Variants in SYNPO observed in about 807,000 individuals in gnomAD.
SYNPO encodes synaptopodin.
In SYNPO, 19 loss-of-function variants were observed where a neutral mutation model predicts 49.5. That is an observed-to-expected ratio of 0.38 (90% CI 0.27 to 0.56). The LOEUF is 0.56. Among genes scored for constraint, SYNPO ranks in the 20% least tolerant of loss-of-function variants. SYNPO has a pLI of 0.68. For missense variants in SYNPO, 1,131 were observed against 1,248.3 expected, an observed-to-expected ratio of 0.91 and a Z score of 1.42; for synonymous variants, 536 against 548.0, an observed-to-expected ratio of 0.98 and a Z score of 0.31.
At chr5:150,624,410 C>G (rs1757276565) in intron 2 of SYNPO, among the ~76,000 whole-genome samples, 1 of 152,142 alleles carries the variant, frequency 6.6e-6, no homozygotes, top group South Asian at 2.1e-4. Context: ...AAAGGGGACA[C>G]AAAGAAACTG....
At chr5:150,595,578 C>T in the SYNPO span, among the ~76,000 whole-genome samples, 1 of 152,182 alleles carries the variant, frequency 6.6e-6, no homozygotes, top group Non-Finnish European at 1.5e-5. Flanking sequence ...GACAGGCAGA[C>T]AAGAGGTATG....
At position 150,620,901 on chromosome 5, in the gene SYNPO, C is replaced by CTTTCTTTCTTTCTTTA. The variant is rs1170684583; in HGVS notation, c.400+2149_400+2150insATTTCTTTCTTTCTTT. ...TCTTTTTCTTTTTTTCTTTTTTTCT[C>CTTTCTTTCTTTCTTTA]TTTCTTTCTTTCTTTCTTTCTTTCT... is the stretch of plus-strand genomic sequence containing the variant. On this transcript the variant is annotated intron_variant, in intron 2 of 2. Transcript: ENST00000394243. Among the ~76,000 whole-genome samples the CTTTCTTTCTTTCTTTA allele has an allele frequency of 3.6e-3, 318 of 87,698 alleles. 6 individuals carry two copies. Among genetic ancestry groups the CTTTCTTTCTTTCTTTA allele is most frequent in the African/African-American group, 0.02 (313 of 15,738 alleles). 57.5% of individuals were successfully genotyped at this position (87,698 alleles called of 152,430 possible).
chr5:150,601,174 G>C (rs1169116458), exon 1 of SYNPO: 1 of 152,428 alleles, frequency 6.6e-6, no homozygotes, highest in East Asian at 1.9e-4. Context: ...CAGAGGGTGT[G>C]GTGTCCGGCT....
chr5:150,609,252 C>A (rs1302690761), intron 1 of SYNPO, among the ~76,000 whole-genome samples: 20 of 152,256 alleles, frequency 1.3e-4, no homozygotes, highest in African/African-American at 4.3e-4. Flanking sequence ...AAGAAGGGAT[C>A]CCATTTGGTA....
exon 1 of SYNPO, chr5:150,601,123 GC>G (rs2151331050): frequency 6.5e-6 from 1 of 153,006 alleles, no homozygotes; most frequent in South Asian, 2.1e-4. Flanking sequence ...GGGCAGCCGG[GC>G]AGCCGTGGAC....
intron 2 of SYNPO, among the ~76,000 whole-genome samples, chr5:150,627,232 ACAGGGGGGTG>A (rs1757386349): frequency 6.6e-6 from 1 of 152,202 alleles, no homozygotes; most frequent in Admixed American, 6.5e-5. Flanking sequence ...CCGGGGAAGT[ACAGGGGGGTG>A]CTACTGGTGA....
chr5:150,649,436 C>G lies in SYNPO; in HGVS notation c.1161C>G (p.Pro387=). The G allele has an allele frequency of 6.2e-7, 1 of 1,614,196 alleles. No homozygotes were observed. The highest frequency in any genetic ancestry group is 8.5e-7 in the Non-Finnish European group (1 of 1,180,034). The change falls in exon 2 of 3, where the codon CCC becomes CCG. Residue 387 remains proline, a synonymous_variant. Coordinates refer to ENST00000307662, the MANE Select transcript of SYNPO (RefSeq NM_007286.6). ...CCATGTTTACTTTCGTGGAGAAGCC[C>G]AAGGTGACCCCGAATCCAGACTTGC... ...RKSMFTFVEK[P]KVTPNPDLLD...
At chr5:150,591,522 C>G in the SYNPO span, among the ~76,000 whole-genome samples, 4,701 of 152,332 alleles carry the variant, frequency 0.031, 259 homozygotes, top group African/African-American at 0.11. Flanking sequence ...CTCAGATAGC[C>G]CCAAGCCCTG....
At chr5:150,606,581 C>G (rs967265655) in intron 1 of SYNPO, among the ~76,000 whole-genome samples, 1 of 152,232 alleles carries the variant, frequency 6.6e-6, no homozygotes, top group African/African-American at 2.4e-5. Context: ...TTGCTCTGCG[C>G]CGGGCATGGG....
At chr5:150,588,488 A>T in the SYNPO span, among the ~76,000 whole-genome samples, 1 of 152,168 alleles carries the variant, frequency 6.6e-6, no homozygotes, top group South Asian at 2.1e-4. Flanking sequence ...AAGGGGCTCC[A>T]CATGTTGGGA....
Position 150,648,599 on chromosome 5 carries a change from C to T in SYNPO, c.324C>T (p.Ser108=). Residue 108 remains serine, a synonymous_variant, in exon 2 of 3, where the codon AGC becomes AGT. Transcript: ENST00000307662. The surrounding 1 kb of genome is among the most constrained non-coding windows in gnomAD (Gnocchi z 5.0). ...QNPPATVVPQ[S]LPLSSIQQNS... is the part of the protein sequence containing the mutation. The stretch of plus-strand genomic sequence containing the variant: ...CACCGGCAACTGTTGTCCCACAGAG[C>T]CTGCCACTTTCTAGCATCCAACAGA... 1 of 1,614,194 alleles carries T rather than the reference C, an allele frequency of 6.2e-7. No individual in the cohort carries two copies. The highest frequency in any genetic ancestry group is 8.5e-7 in the Non-Finnish European group (1 of 1,180,038).
upstream of SYNPO, among the ~76,000 whole-genome samples, chr5:150,637,644 C>A (rs1425560798): frequency 6.6e-6 from 1 of 152,174 alleles, no homozygotes; most frequent in African/African-American, 2.4e-5. Context: ...GGTGATGACG[C>A]CTCCTGGGGA....
chr5:150,603,517 T>C (rs1455298269), intron 1 of SYNPO, among the ~76,000 whole-genome samples: 3 of 152,264 alleles, frequency 2.0e-5, no homozygotes, highest in African/African-American at 7.2e-5. Flanking sequence ...CAGTTGCTTA[T>C]ATGTGGATAT....
chr5:150,602,997 G>GGTGTGTGTGTGTGTGTGTGT (rs3062133), intron 1 of SYNPO, among the ~76,000 whole-genome samples: 44 of 131,244 alleles, frequency 3.4e-4, no homozygotes, highest in African/African-American at 1.2e-3. Flanking sequence ...GCCACCTTAG[G>GGTGTGTGTGTGTGTGTGTGT]GTGTGTGTGT....
upstream of SYNPO, among the ~76,000 whole-genome samples, chr5:150,635,914 T>C (rs1561646919): frequency 6.6e-6 from 1 of 152,230 alleles, no homozygotes; most frequent in South Asian, 2.1e-4. Context: ...CTCACCTTTT[T>C]CCGTTCTTTG....
exon 2 of SYNPO, chr5:150,618,159 A>C: frequency 3.5e-6 from 2 of 566,756 alleles, no homozygotes; most frequent in South Asian, 3.2e-5. Flanking sequence ...TTGGAGGTCC[A>C]CCACTCCACT....
At chr5:150,620,954 T>C (rs1251862611) in intron 2 of SYNPO, among the ~76,000 whole-genome samples, 6 of 145,482 alleles carry the variant, frequency 4.1e-5, no homozygotes, top group African/African-American at 1.6e-4. Flanking sequence ...TCTTTTCTTT[T>C]CTTTTTTTTT....
the SYNPO span, among the ~76,000 whole-genome samples, chr5:150,586,547 T>A: frequency 6.7e-6 from 1 of 150,274 alleles, no homozygotes; most frequent in Non-Finnish European, 1.5e-5. Flanking sequence ...AATAGACAGA[T>A]GGATACATGG....
intron 2 of SYNPO, chr5:150,651,496 A>G (rs1758385549): frequency 1.0e-6 from 1 of 1,000,950 alleles, no homozygotes; most frequent in Non-Finnish European, 1.2e-6. Context: ...GAAATGGGCT[A>G]TTGCCAAAGG....
Sources: gnomAD v4.1 joint callset for allele counts (sites outside exome capture counted in the v4.1 genomes callset) on GRCh38, gnomAD v4.1.1 for gene constraint, Gnocchi (gnomAD v3.1) non-coding constraint, MANE v1.5 for transcripts, NCBI Gene and HGNC (gene_info 2026-07-23, HGNC 2026-07-21) for gene names.